The following PRELID2 variants were observed in gnomAD, a reference collection of about 807,000 sequenced individuals.
PRELID2 encodes PRELI domain containing 2.
In PRELID2, 25 loss-of-function variants were observed where a neutral mutation model predicts 28.4. The ratio of observed to expected loss-of-function variants is 0.88; its 90% confidence interval spans 0.64 to 1.23. The LOEUF (loss-of-function observed/expected upper bound fraction) is 1.23, where lower values mean the gene tolerates loss of function less well. Among genes scored for constraint, PRELID2 ranks in the 50% most tolerant of loss-of-function variants. The pLI is 0.00. For missense variants in PRELID2, 201 were observed against 214.4 expected, an observed-to-expected ratio of 0.94 and a Z score of 0.39; for synonymous variants, 76 against 71.6, an observed-to-expected ratio of 1.06 and a Z score of -0.31.
At chr5:145,431,980 G>A in the PRELID2 span, among the ~76,000 whole-genome samples, 1 of 152,108 alleles carries the variant, frequency 6.6e-6, no homozygotes, top group Non-Finnish European at 1.5e-5. Flanking sequence ...AAGAAGTCAT[G>A]CTGTGTAAAA....
At chr5:145,335,908 A>G in the PRELID2 span, among the ~76,000 whole-genome samples, 3 of 152,160 alleles carry the variant, frequency 2.0e-5, no homozygotes, top group Non-Finnish European at 4.4e-5. Flanking sequence ...AAGTGTTCCC[A>G]TTTCTCCACA....
chr5:145,551,698 A>G (rs965854457), intron 1 of PRELID2, among the ~76,000 whole-genome samples: 16 of 152,222 alleles, frequency 1.1e-4, no homozygotes, highest in African/African-American at 3.9e-4. Context: ...CAGAAAACAG[A>G]TGGCATACTC....
chr5:145,813,710 A>T (rs1237325952), intron 4 of PRELID2, among the ~76,000 whole-genome samples: 4 of 152,152 alleles, frequency 2.6e-5, no homozygotes, highest in African/African-American at 9.7e-5. Context: ...GGCATCAATA[A>T]ATGTTAGCCT....
chr5:145,250,655 G>T, the PRELID2 span, among the ~76,000 whole-genome samples: 1 of 152,094 alleles, frequency 6.6e-6, no homozygotes, highest in Non-Finnish European at 1.5e-5. Flanking sequence ...TGGAATAAAG[G>T]TGTTCAGACT....
chr5:145,812,222 G>A (rs1008040855), intron 4 of PRELID2, among the ~76,000 whole-genome samples: 5 of 151,834 alleles, frequency 3.3e-5, no homozygotes, highest in Admixed American at 1.3e-4. Context: ...AAATTAGTAC[G>A]CTGATCCTAG....
the PRELID2 span, among the ~76,000 whole-genome samples, chr5:145,375,705 G>A: frequency 3.9e-5 from 6 of 152,294 alleles, no homozygotes; most frequent in South Asian, 1.0e-3. Flanking sequence ...GAAGGCCTGT[G>A]CAGTGAGGAA....
chr5:145,728,806 T>A, intron 1 of PRELID2: 1 of 1,055,992 alleles, frequency 9.5e-7, no homozygotes, highest in South Asian at 1.3e-5. Context: ...TACGTTCCAA[T>A]CATAAAGGCC....
the PRELID2 span, among the ~76,000 whole-genome samples, chr5:145,324,943 A>T: frequency 6.6e-6 from 1 of 152,184 alleles, no homozygotes; most frequent in African/African-American, 2.4e-5. Context: ...ATACACTGAG[A>T]CAGGGCTAGT....
At chr5:145,628,378 C>T (rs1753882187) in intron 1 of PRELID2, among the ~76,000 whole-genome samples, 1 of 152,126 alleles carries the variant, frequency 6.6e-6, no homozygotes, top group Non-Finnish European at 1.5e-5. Flanking sequence ...GGCTGGAGTG[C>T]AGTGGCGCCA....
intron 1 of PRELID2, among the ~76,000 whole-genome samples, chr5:145,614,811 AC>A (rs1170436612): frequency 3.3e-5 from 5 of 152,124 alleles, no homozygotes; most frequent in Non-Finnish European, 7.4e-5. Context: ...CAATTTGGAT[AC>A]CCTTTATTTC....
At chr5:145,530,523 G>A (rs1752646621) in intron 1 of PRELID2, among the ~76,000 whole-genome samples, 2 of 152,046 alleles carry the variant, frequency 1.3e-5, no homozygotes, top group African/African-American at 4.8e-5. Context: ...GAGACAGGAA[G>A]GACGATGATG....
chr5:145,449,835 G>C, the PRELID2 span, among the ~76,000 whole-genome samples: 1 of 152,068 alleles, frequency 6.6e-6, no homozygotes, highest in Non-Finnish European at 1.5e-5. Context: ...CTTCCTGAGG[G>C]TAAGGACTGG....
chr5:145,309,774 T>C, the PRELID2 span, among the ~76,000 whole-genome samples: 3 of 152,122 alleles, frequency 2.0e-5, no homozygotes, highest in Non-Finnish European at 2.9e-5. Context: ...GAAGATGAAG[T>C]TGGTGGAGCA....
intron 1 of PRELID2, 99 bp downstream of exon 1, chr5:145,835,078 A>G (rs1437966900): frequency 1.3e-6 from 1 of 789,028 alleles, no homozygotes; most frequent in Admixed American, 2.4e-5. Context: ...AGCTGGAAAG[A>G]GACACTGGCG....
At chr5:145,733,545 T>C (rs904020854) in intron 1 of PRELID2, among the ~76,000 whole-genome samples, 3 of 152,168 alleles carry the variant, frequency 2.0e-5, no homozygotes. Context: ...TGATTTACCA[T>C]TTGTTTCTCT....
chr5:145,385,684 C>G, the PRELID2 span, among the ~76,000 whole-genome samples: 97,440 of 151,940 alleles, frequency 0.64, 31,561 homozygotes, highest in East Asian at 0.89. Context: ...TAGCACCAGA[C>G]AATTATTGCA....
chr5:145,235,277 G>A, the PRELID2 span, among the ~76,000 whole-genome samples: 59 of 152,276 alleles, frequency 3.9e-4, no homozygotes, highest in African/African-American at 1.4e-3. Flanking sequence ...AGGTGACAGA[G>A]CCCCTCAATC....
At chr5:145,238,269 G>C in the PRELID2 span, among the ~76,000 whole-genome samples, 1 of 152,160 alleles carries the variant, frequency 6.6e-6, no homozygotes, top group Admixed American at 6.5e-5. Context: ...TCCATATAAG[G>C]TAATTGTTAT....
the PRELID2 span, among the ~76,000 whole-genome samples, chr5:145,391,857 C>A: frequency 6.6e-6 from 1 of 152,130 alleles, no homozygotes; most frequent in Non-Finnish European, 1.5e-5. Context: ...TGCCACCAGT[C>A]TCTTTGCTAA....
Sources: allele counts gnomAD v4.1 joint callset (sites outside exome capture counted in the v4.1 genomes callset), GRCh38; gene constraint gnomAD v4.1.1; transcripts MANE v1.5; gene names NCBI Gene and HGNC (gene_info 2026-07-23, HGNC 2026-07-21).